The following RBFOX3 variants were observed in gnomAD, a reference collection of about 807,000 sequenced individuals.
The protein encoded by RBFOX3 is RNA binding protein fox-1 homolog 3.
A neutral mutation model predicts 48.7 loss-of-function variants in RBFOX3; 17 were observed. That is an observed-to-expected ratio of 0.35 (90% CI 0.24 to 0.52). RBFOX3 has a LOEUF of 0.52. RBFOX3 is among the 20% of genes least tolerant of loss of function. The pLI is 0.94. For synonymous variants in RBFOX3, 212 were observed against 209.5 expected, an observed-to-expected ratio of 1.01 and a Z score of -0.10; for missense variants, 382 against 497.5, an observed-to-expected ratio of 0.77 and a Z score of 2.21.
chr17:79,289,845 C>A (rs995780450), intron 3 of RBFOX3, among the ~76,000 whole-genome samples: 1 of 152,234 alleles, frequency 6.6e-6, no homozygotes, highest in Non-Finnish European at 1.5e-5. Context: ...CTGTAGTGAA[C>A]ATGACATCAA....
intron 2 of RBFOX3, among the ~76,000 whole-genome samples, chr17:79,400,532 T>C (rs958123031): frequency 2.6e-5 from 4 of 151,632 alleles, no homozygotes; most frequent in South Asian, 4.2e-4. Context: ...GTACCAGAGG[T>C]TGGCGCTTCA....
At chr17:79,407,652 C>A (rs999668686) in intron 2 of RBFOX3, among the ~76,000 whole-genome samples, 1 of 152,174 alleles carries the variant, frequency 6.6e-6, no homozygotes, top group African/African-American at 2.4e-5. Flanking sequence ...GACAGAGGGT[C>A]CCTCAGGATT....
intron 3 of RBFOX3, among the ~76,000 whole-genome samples, chr17:79,269,254 G>A (rs778916783): frequency 7.2e-5 from 11 of 152,180 alleles, no homozygotes; most frequent in Non-Finnish European, 1.5e-4. Context: ...CTCCCTTAGA[G>A]CCTTCAGAGA....
intron 4 of RBFOX3, among the ~76,000 whole-genome samples, chr17:79,228,656 C>G (rs1300296846): frequency 6.6e-6 from 1 of 152,190 alleles, no homozygotes; most frequent in Non-Finnish European, 1.5e-5. Flanking sequence ...CAAGCAGTGC[C>G]CAGGCTGCAT....
At chr17:79,555,655 G>A (rs1178465940) in intron 1 of RBFOX3, among the ~76,000 whole-genome samples, 3 of 18,926 alleles carry the variant, frequency 1.6e-4, no homozygotes, top group Non-Finnish European at 4.7e-4. Context: ...GGTGGTGGTG[G>A]TGGTGGTGAT....
At chr17:79,412,649 T>C (rs2064627029) in intron 2 of RBFOX3, among the ~76,000 whole-genome samples, 1 of 151,506 alleles carries the variant, frequency 6.6e-6, no homozygotes, top group Non-Finnish European at 1.5e-5. Context: ...TATGCATGTG[T>C]TGTGTGTGAT....
chr17:79,172,802 A>C (rs2049636224), intron 4 of RBFOX3, among the ~76,000 whole-genome samples: 1 of 152,236 alleles, frequency 6.6e-6, no homozygotes, highest in South Asian at 2.1e-4. Flanking sequence ...AATGTTAACG[A>C]TCTCTCATAG....
At chr17:79,359,731 T>G (rs1214673686) in intron 2 of RBFOX3, among the ~76,000 whole-genome samples, 1 of 104,664 alleles carries the variant, frequency 9.6e-6, no homozygotes, top group Non-Finnish European at 2.3e-5. Flanking sequence ...GTAATTTGGG[T>G]CATTTTTTTT....
intron 3 of RBFOX3, among the ~76,000 whole-genome samples, chr17:79,282,982 A>G (rs1434664372): frequency 6.6e-6 from 1 of 152,218 alleles, no homozygotes; most frequent in Non-Finnish European, 1.5e-5. Context: ...CATGTGAGGA[A>G]CAGAACCAAA....
intron 1 of RBFOX3, among the ~76,000 whole-genome samples, chr17:79,588,287 A>T (rs1424674571): frequency 6.6e-6 from 1 of 152,024 alleles, no homozygotes; most frequent in Non-Finnish European, 1.5e-5. Flanking sequence ...GCATTTTCTC[A>T]TGTGTTTTCT....
chr17:79,549,825 G>A lies in RBFOX3; in HGVS notation c.-320+61001C>T, dbSNP rs201994872. Among the ~76,000 whole-genome samples, 5 of 152,202 alleles carry A rather than the reference G, an allele frequency of 3.3e-5. No individual in the cohort carries two copies. The East Asian group carries it at 5.8e-4, about 18-fold the overall frequency. ...AGGCCTCAGCCTGGTCAGAGCTAAC[G>A]TTCAATCAAGAATGTCGAATCGTCA... is the stretch of plus-strand genomic sequence containing the variant. On this transcript the variant is annotated intron_variant, in intron 1 of 14. Transcript: ENST00000693108.
At chr17:79,562,884 A>G (rs981384264) in intron 1 of RBFOX3, among the ~76,000 whole-genome samples, 9 of 152,218 alleles carry the variant, frequency 5.9e-5, no homozygotes, top group Non-Finnish European at 1.2e-4. Context: ...ATCCAGCAGG[A>G]AAGACTCGAC....
intron 2 of RBFOX3, among the ~76,000 whole-genome samples, chr17:79,358,586 T>C (rs1254230523): frequency 6.6e-6 from 1 of 152,124 alleles, no homozygotes; most frequent in Non-Finnish European, 1.5e-5. Context: ...TCAGTCAACC[T>C]AGTAGCTGGG....
At chr17:79,265,757 T>C (rs1019961682) in intron 3 of RBFOX3, among the ~76,000 whole-genome samples, 12 of 152,208 alleles carry the variant, frequency 7.9e-5, no homozygotes, top group African/African-American at 2.9e-4. Flanking sequence ...TTTAGTGGGC[T>C]GGGATTTTGC....
At chr17:79,611,131 TC>T (rs1265253935), upstream of RBFOX3, among the ~76,000 whole-genome samples, 4 of 2,000 alleles carry the variant, frequency 2.0e-3, no homozygotes, top group East Asian at 0.025. Flanking sequence ...CCGCCCTCCT[TC>T]TCTCTCTCTC....
At chr17:79,656,978 T>C in the RBFOX3 span, among the ~76,000 whole-genome samples, 1 of 151,782 alleles carries the variant, frequency 6.6e-6, no homozygotes, top group Non-Finnish European at 1.5e-5. Flanking sequence ...CTGTGGGTGG[T>C]AGTTTGCTGA....
intron 4 of RBFOX3, among the ~76,000 whole-genome samples, chr17:79,127,846 T>C (rs545507181): frequency 6.6e-6 from 1 of 152,248 alleles, no homozygotes; most frequent in South Asian, 2.1e-4. Context: ...ATGAAAGGCG[T>C]CTCAGAGAAC....
chr17:79,210,612 T>G (rs2058250550), intron 4 of RBFOX3, among the ~76,000 whole-genome samples: 1 of 152,210 alleles, frequency 6.6e-6, no homozygotes, highest in Non-Finnish European at 1.5e-5. Flanking sequence ...CTCAGGGATA[T>G]GGTCCCGGGG....
intron 1 of RBFOX3, among the ~76,000 whole-genome samples, chr17:79,583,285 G>A (rs1294407217): frequency 6.6e-6 from 1 of 152,200 alleles, no homozygotes; most frequent in African/African-American, 2.4e-5. Flanking sequence ...GTGTGTGAAA[G>A]GCCCTGACAC....
Sources: allele counts gnomAD v4.1 joint callset (sites outside exome capture counted in the v4.1 genomes callset), GRCh38; gene constraint gnomAD v4.1.1; transcripts MANE v1.5; gene names NCBI Gene and HGNC (gene_info 2026-07-23, HGNC 2026-07-21).